TCF3: variants seen among roughly 807,000 people sequenced by gnomAD.
The protein encoded by TCF3 is transcription factor E2-alpha.
Under a neutral mutation model 72.3 loss-of-function variants are expected in TCF3, and 54 were observed. The ratio of observed to expected loss-of-function variants is 0.75; its 90% CI spans 0.60 to 0.94. The LOEUF is 0.94. Ranked by LOEUF, TCF3 falls within the 40% of genes least tolerant of loss-of-function variation. The pLI is 0.00. For missense variants in TCF3, 1,078 were observed against 934.4 expected (o/e 1.15, Z -2.00); for synonymous variants, 525 against 412.6 (o/e 1.27, Z -3.30).
rs749908395 is a variant in TCF3, at chr19:1,619,147, G to A, written c.1414C>T (p.Leu472Phe). The A allele has an allele frequency of 1.2e-5, 19 of 1,600,012 alleles. No individual in the cohort carries two copies. Among genetic ancestry groups the A allele is most frequent in the African/African-American group, 4.0e-5 (3 of 74,922 alleles). Residue 472 changes from leucine (L) to phenylalanine (F), a missense_variant, in exon 16 of 19, where the codon CTC (leucine) becomes TTC (phenylalanine). Physicochemically the swap from Leu to Phe is conservative, Grantham distance 22. Transcript: ENST00000262965. ...TCGGGAGGCCGAGACAGGTCAGGGA[G>A]GGTGCCTGGCTGGCTGGGGAGGGCC... ...HAALPSQPGTLPDLSRPPDSY... is the reference protein window; with the variant it reads ...HAALPSQPGTFPDLSRPPDSY...
intron 5 of TCF3, among the ~76,000 whole-genome samples, chr19:1,629,968 G>A (rs2063500210): frequency 6.6e-6 from 1 of 152,098 alleles, no homozygotes. Flanking sequence ...CGGCTCCTCG[G>A]GTGAGAAAAC....
At position 1,609,438 on chromosome 19, in the gene TCF3, T is replaced by G. The variant is rs972055515; in HGVS notation, c.*2269A>C. 4.7e-6 allele frequency: 1 copy of G among 212,088 alleles called. No individual in the cohort carries two copies. The highest frequency in any genetic ancestry group is 7.1e-5 in the East Asian group (1 of 14,052). The allele number at this position is 212,088 out of a possible 1,614,324, so 13.1% of individuals were successfully genotyped here. ...TACAATTATTTTCTTTAAAAAAATT[T>G]TTTTGAAAACCATCTTGAGGCACTC... On this transcript the variant is annotated 3_prime_UTR_variant, in exon 19 of 19. Coordinates refer to ENST00000262965, the MANE Select transcript of TCF3 (RefSeq NM_003200.5).
In TCF3 at chr19:1,615,800, G is replaced by A. The variant is rs145054379; in HGVS notation, c.1472C>T (p.Thr491Met). 72 of 1,573,222 alleles carry A rather than the reference G, an allele frequency of 4.6e-5. No individual in the cohort carries two copies. Among genetic ancestry groups the A allele is most frequent in the South Asian group, 2.3e-4 (19 of 83,934 alleles). Reference sequence around the variant, plus strand: ...CCGCTTGATCTCGCTGGCGGCCGCCGTGGCACCTGCTCGCCCTAGCCCTGC... The same window carrying A: ...CCGCTTGATCTCGCTGGCGGCCGCCATGGCACCTGCTCGCCCTAGCCCTGC... Reference protein sequence around the residue: ...SYSGLGRAGATAAASEIKREE... With the variant: ...SYSGLGRAGAMAAASEIKREE... Residue 491 changes from threonine to methionine, a missense_variant, in exon 17 of 19, where the codon ACG becomes ATG. Thr to Met is a moderately conservative substitution (Grantham distance 81). Coordinates refer to ENST00000262965, the MANE Select transcript of TCF3 (RefSeq NM_003200.5). This position sits in a 1 kb window ranked among gnomAD's most constrained non-coding sequence, Gnocchi z 7.3.
intron 16 of TCF3, among the ~76,000 whole-genome samples, chr19:1,618,067 C>T (rs1047407959): frequency 6.6e-6 from 1 of 152,096 alleles, no homozygotes; most frequent in South Asian, 2.1e-4. Context: ...TTCTCCTGGG[C>T]CTCTCATGGG....
intron 2 of TCF3, among the ~76,000 whole-genome samples, chr19:1,648,264 A>G (rs569138831): frequency 6.6e-6 from 1 of 152,300 alleles, no homozygotes; most frequent in East Asian, 1.9e-4. Context: ...GCATGCAGGA[A>G]CAGAGTGGGG....
chr19:1,629,513 G>T (rs546393118), intron 5 of TCF3, among the ~76,000 whole-genome samples: 18 of 152,126 alleles, frequency 1.2e-4, no homozygotes, highest in Non-Finnish European at 1.6e-4. Flanking sequence ...CCTGGGCTAC[G>T]GAGGGGAACA....
At position 1,632,395 on chromosome 19, in the gene TCF3, GTCC is replaced by G. The variant is rs2063817167; in HGVS notation, c.153_155del (p.Glu51del). On this transcript the variant is annotated inframe_deletion, in exon 4 of 19. Coordinates refer to ENST00000262965, the MANE Select transcript of TCF3 (RefSeq NM_003200.5). Reference sequence around the variant, plus strand: ...TGCCCCAGGAGCCTGAGCTGGGCCGGTCCTCAAGACCTGCAGGCAGGACAGAGA... The same window carrying G: ...TGCCCCAGGAGCCTGAGCTGGGCCGGTCAAGACCTGCAGGCAGGACAGAGA... The G allele has an allele frequency of 6.3e-7, 1 of 1,594,500 alleles. No homozygotes were observed. Among genetic ancestry groups the G allele is most frequent in the African/African-American group, 1.3e-5 (1 of 74,640 alleles).
chr19:1,620,109 G>C (rs1409866047), intron 13 of TCF3, among the ~76,000 whole-genome samples: 2 of 152,158 alleles, frequency 1.3e-5, no homozygotes, highest in South Asian at 4.1e-4. Context: ...TCCCCACTCA[G>C]AGGATAAAGT....
chr19:1,624,035 G>A lies in TCF3; in HGVS notation c.500-35C>T, dbSNP rs757943640. 52 of 1,608,724 alleles carry A rather than the reference G, an allele frequency of 3.2e-5. 1 individual carries two copies. In the East Asian group the frequency reaches 3.8e-4, roughly 12 times the overall value. The stretch of plus-strand genomic sequence containing the variant: ...GCAAAAGGGGTGAGAACCGGCCACC[G>A]GCCATGAGAACAACCCCTGCCCTAC... On this transcript the variant is annotated intron_variant, in intron 7 of 18. Transcript: ENST00000262965.
At chr19:1,636,095 G>T (rs577060418) in intron 3 of TCF3, among the ~76,000 whole-genome samples, 1 of 152,216 alleles carries the variant, frequency 6.6e-6, no homozygotes, top group East Asian at 1.9e-4. Context: ...GGGTCATGAC[G>T]GGTGAGATCA....
intron 3 of TCF3, among the ~76,000 whole-genome samples, chr19:1,633,259 C>T (rs1325291718): frequency 6.6e-6 from 1 of 152,220 alleles, no homozygotes; most frequent in African/African-American, 2.4e-5. Flanking sequence ...GCCTCCTCAG[C>T]TTGGCCACGG....
intron 2 of TCF3, among the ~76,000 whole-genome samples, chr19:1,646,965 G>A (rs2066209759): frequency 1.3e-5 from 2 of 152,216 alleles, no homozygotes; most frequent in African/African-American, 4.8e-5. Context: ...GGGGGGTAGG[G>A]CCCAGTGTCC....
At chr19:1,642,675 G>A (rs547504432) in intron 3 of TCF3, among the ~76,000 whole-genome samples, 2 of 152,292 alleles carry the variant, frequency 1.3e-5, no homozygotes, top group South Asian at 2.1e-4. Flanking sequence ...CTGTCACCAC[G>A]TTGGCCAGGC....
intron 16 of TCF3, among the ~76,000 whole-genome samples, chr19:1,618,608 G>A (rs1180975258): frequency 6.6e-6 from 1 of 151,918 alleles, no homozygotes; most frequent in Non-Finnish European, 1.5e-5. Context: ...CTTTGCCTGG[G>A]CTGCGCCCTC....
chr19:1,627,486 C>G (rs922080930), intron 5 of TCF3, 60 bp from the exon 6 acceptor site: 3 of 1,506,550 alleles, frequency 2.0e-6, no homozygotes, highest in Non-Finnish European at 2.8e-6. Flanking sequence ...TGAGGGCCCC[C>G]GAGTGCCTGC....
At chr19:1,631,228 G>T (rs564078554) in intron 5 of TCF3, among the ~76,000 whole-genome samples, 2 of 151,654 alleles carry the variant, frequency 1.3e-5, no homozygotes, top group Admixed American at 6.5e-5. Flanking sequence ...GCTTGCCCAG[G>T]TTCCGTGGTG....
At chr19:1,642,441 GC>G (rs911404725) in intron 3 of TCF3, among the ~76,000 whole-genome samples, 10 of 152,208 alleles carry the variant, frequency 6.6e-5, no homozygotes, top group African/African-American at 2.4e-4. Context: ...CCTGGGGGTG[GC>G]TAGGTGAGAG....
In TCF3 at chr19:1,611,737, G is replaced by C. The variant is rs776765182; in HGVS notation, c.1935C>G (p.Ser645Arg). 9.9e-6 allele frequency: 16 copies of C among 1,613,548 alleles called. No individual in the cohort carries two copies. The highest frequency in any genetic ancestry group is 1.4e-5 in the Non-Finnish European group (16 of 1,179,956). Residue 645 changes from serine to arginine, a missense_variant, in exon 19 of 19, where the codon AGC (serine) becomes AGG (arginine). Transcript: ENST00000262965. The stretch of plus-strand genomic sequence containing the variant: ...TGTGCCCGGCGGGGTTGTGGGCTTC[G>C]CTCAGGCCTGGGTGGGGAGCTGAAA... ...MVLSAPHPGL[S>R]EAHNPAGHM
At chr19:1,622,731 C>T (rs552670576) in intron 8 of TCF3, among the ~76,000 whole-genome samples, 4 of 152,150 alleles carry the variant, frequency 2.6e-5, no homozygotes, top group Non-Finnish European at 2.9e-5. Context: ...AAACTCCTAT[C>T]GACCCATCAA....
Sources: gnomAD v4.1 joint callset for allele counts (sites outside exome capture counted in the v4.1 genomes callset) on GRCh38, gnomAD v4.1.1 for gene constraint, Gnocchi (gnomAD v3.1) non-coding constraint, MANE v1.5 for transcripts, NCBI Gene and HGNC (gene_info 2026-07-23, HGNC 2026-07-21) for gene names.